Variants in XRN1 observed in about 807,000 individuals in gnomAD.
The protein encoded by XRN1 is strand-exchange protein 1 homolog.
XRN1 carries 67 observed loss-of-function variants against 222.3 expected under a neutral mutation model. The ratio of observed to expected loss-of-function variants is 0.30; its 90% confidence interval spans 0.25 to 0.37. The LOEUF (loss-of-function observed/expected upper bound fraction) is 0.37. XRN1 is among the 10% of genes least tolerant of loss of function. XRN1 has a pLI of 1.00. For missense variants in XRN1, 1,707 were observed against 2,000.2 expected (o/e 0.85, Z 2.80); for synonymous variants, 643 against 652.4 (o/e 0.99, Z 0.22).
chr3:142,394,191 C>T (rs568401926), intron 20 of XRN1, among the ~76,000 whole-genome samples: 14 of 152,170 alleles, frequency 9.2e-5, no homozygotes, highest in Non-Finnish European at 1.3e-4. Flanking sequence ...ACTTAGATTT[C>T]ACCATCCACC....
chr3:142,327,667 ATTAT>A (rs1448331236), intron 37 of XRN1, among the ~76,000 whole-genome samples: 4 of 151,496 alleles, frequency 2.6e-5, no homozygotes, highest in Admixed American at 1.3e-4. Flanking sequence ...TTTTCTAGTT[ATTAT>A]TTATTTTAAA....
At chr3:142,372,071 T>C (rs374995824) in intron 25 of XRN1, among the ~76,000 whole-genome samples, 4 of 152,064 alleles carry the variant, frequency 2.6e-5, no homozygotes, top group South Asian at 2.1e-4. Context: ...TTTGAAAGTG[T>C]GGGGTGAGGT....
intron 14 of XRN1, 98 bp downstream of exon 14, chr3:142,414,037 T>C: frequency 8.1e-7 from 1 of 1,231,890 alleles, no homozygotes; most frequent in South Asian, 2.1e-5. Flanking sequence ...AATAACTACT[T>C]AGCTACCAAA....
rs199997551 is a variant in XRN1, at chr3:142,418,489, T to C, written c.1346+15A>G. On this transcript the variant is annotated intron_variant, in intron 12 of 40. Transcript: ENST00000392981. The stretch of plus-strand genomic sequence containing the variant: ...TTTTTTCTATTTTAAAATAAAAGCA[T>C]TGGCAAAAACGTACTCAGATACTAC... 5.1e-5 allele frequency: 80 copies of C among 1,563,110 alleles called. No homozygotes were observed. Among genetic ancestry groups the C allele is most frequent in the South Asian group, 3.3e-4 (28 of 84,612 alleles).
intron 37 of XRN1, among the ~76,000 whole-genome samples, chr3:142,325,142 T>G (rs142805111): frequency 1.6e-4 from 24 of 152,336 alleles, no homozygotes; most frequent in African/African-American, 4.8e-4. Flanking sequence ...ATTTCCATGC[T>G]GTATGTCCTT....
chr3:142,346,487 T>A (rs2066146928), intron 33 of XRN1, among the ~76,000 whole-genome samples: 1 of 148,164 alleles, frequency 6.7e-6, no homozygotes, highest in Non-Finnish European at 1.5e-5. Context: ...ATCATCCTCT[T>A]TTTTTTTTTT....
chr3:142,447,815 G>A lies in XRN1; in HGVS notation c.75+55C>T. 6.3e-7 allele frequency: 1 copy of A among 1,597,224 alleles called. No homozygotes were observed. Among genetic ancestry groups the A allele is most frequent in the Non-Finnish European group, 8.6e-7 (1 of 1,167,912 alleles). Reference sequence around the variant, plus strand: ...AAAGCCCCAGCTCTAAGGTGGAGAGGGCCGCGGAGCCCCGGGTCCTCGGCT... The same window carrying A: ...AAAGCCCCAGCTCTAAGGTGGAGAGAGCCGCGGAGCCCCGGGTCCTCGGCT... On this transcript the variant is annotated intron_variant, in intron 1 of 40. Coordinates refer to ENST00000392981, the MANE Select transcript of XRN1 (RefSeq NM_001282857.2). This position sits in a 1 kb window ranked among gnomAD's most constrained non-coding sequence, Gnocchi z 4.2.
intron 37 of XRN1, among the ~76,000 whole-genome samples, chr3:142,320,373 C>T (rs962514988): frequency 6.6e-6 from 1 of 152,140 alleles, no homozygotes; most frequent in Non-Finnish European, 1.5e-5. Context: ...CTTGAGATGT[C>T]TTCTTTTGAG....
intron 20 of XRN1, 103 bp downstream of exon 20, chr3:142,397,225 AG>A (rs2067964281): frequency 1.9e-6 from 2 of 1,076,132 alleles, no homozygotes; most frequent in Middle Eastern, 3.0e-4. Flanking sequence ...AGGTGTAATT[AG>A]TATTCAGAGT....
chr3:142,431,919 T>C (rs2069593876), intron 2 of XRN1, among the ~76,000 whole-genome samples: 1 of 94,592 alleles, frequency 1.1e-5, no homozygotes, highest in South Asian at 2.6e-4. Flanking sequence ...TATAAATATA[T>C]ATAATATAAT....
chr3:142,326,541 G>GT lies in XRN1; in HGVS notation c.4404+2892dup, dbSNP rs1212744106. Among the ~76,000 whole-genome samples the GT allele has an allele frequency of 4.0e-5, 6 of 151,796 alleles. No individual in the cohort carries two copies. In the South Asian group the frequency reaches 8.3e-4, roughly 21 times the overall value. On this transcript the variant is annotated intron_variant, in intron 37 of 40. Coordinates refer to ENST00000392981, the MANE Select transcript of XRN1 (RefSeq NM_001282857.2). ...TTCACTGAATTTATCAATTCTAATA[G>GT]TTTTTTTCTAAATATAAGATTATAT... is the stretch of plus-strand genomic sequence containing the variant.
chr3:142,332,393 T>G lies in XRN1; in HGVS notation c.4204A>C (p.Lys1402Gln). 6.2e-7 allele frequency: 1 copy of G among 1,602,154 alleles called. No homozygotes were observed. Among genetic ancestry groups the G allele is most frequent in the South Asian group, 1.1e-5 (1 of 89,366 alleles). The change falls in exon 36 of 41, where the codon AAA becomes CAA. Residue 1402 changes from lysine to glutamine, a missense_variant. Lys to Gln is a moderately conservative substitution (Grantham distance 53). Around this residue, in one of 2 missense-constraint regions of XRN1, gnomAD observed 473 missense variants for 482.0 expected, o/e 0.98. Coordinates refer to ENST00000392981, the MANE Select transcript of XRN1 (RefSeq NM_001282857.2). ...RDEYGLPSQPKQNKKLASYMN... is the reference protein window; with the variant it reads ...RDEYGLPSQPQQNKKLASYMN... ...TACTTACCTAATTTCTTATTTTGTT[T>G]AGGCTGAGAGGGTAATCCATATTCA...
At chr3:142,377,082 G>A (rs961878806) in intron 23 of XRN1, among the ~76,000 whole-genome samples, 9 of 151,728 alleles carry the variant, frequency 5.9e-5, no homozygotes, top group African/African-American at 2.2e-4. Flanking sequence ...CTTCATATAT[G>A]GATATAAGTA....
In XRN1 at chr3:142,405,089, A is replaced by G. The variant is rs768275641; in HGVS notation, c.1714-13T>C. On this transcript the variant is annotated splice_polypyrimidine_tract_variant and intron_variant, in intron 15 of 40. Transcript: ENST00000392981. ...CCAATAATCGCTTCTGAATATAAGG[A>G]TTGAAGAGAAGGGTTACAAGCATAA... 1 of 1,612,416 alleles carries G rather than the reference A, an allele frequency of 6.2e-7. No homozygotes were observed. The highest frequency in any genetic ancestry group is 2.2e-5 in the East Asian group (1 of 44,864).
intron 8 of XRN1, 21 bp from the exon 9 acceptor site, chr3:142,421,564 A>T: frequency 6.5e-7 from 1 of 1,541,570 alleles, no homozygotes; most frequent in South Asian, 1.2e-5. Flanking sequence ...CAAAAATTTA[A>T]ATCTGTACTA....
intron 18 of XRN1, among the ~76,000 whole-genome samples, chr3:142,402,194 T>C (rs1484942323): frequency 6.6e-6 from 1 of 152,044 alleles, no homozygotes; most frequent in East Asian, 1.9e-4. Context: ...TTTTTTTTCC[T>C]TTTTTGAGAT....
At chr3:142,333,742 A>C (rs2065769164) in intron 34 of XRN1, among the ~76,000 whole-genome samples, 1 of 152,158 alleles carries the variant, frequency 6.6e-6, no homozygotes, top group Non-Finnish European at 1.5e-5. Context: ...CCTTATATGA[A>C]TAGAAAGAGA....
At chr3:142,376,061 A>C in intron 24 of XRN1, 117 bp from the exon 25 acceptor site, 5 of 1,378,644 alleles carry the variant, frequency 3.6e-6, no homozygotes, top group Non-Finnish European at 4.7e-6. Context: ...AGAAAAGCTC[A>C]GTTTTGATTA....
At chr3:142,385,892 C>T (rs1227913547) in intron 20 of XRN1, among the ~76,000 whole-genome samples, 2 of 151,818 alleles carry the variant, frequency 1.3e-5, no homozygotes, top group African/African-American at 4.8e-5. Flanking sequence ...CTACCGAGCT[C>T]ACTTTACCAA....
Sources: allele counts gnomAD v4.1 joint callset (sites outside exome capture counted in the v4.1 genomes callset), GRCh38; gene constraint gnomAD v4.1.1; regional missense constraint gnomAD v4.1.1; non-coding constraint Gnocchi (gnomAD v3.1); transcripts MANE v1.5; gene names NCBI Gene and HGNC (gene_info 2026-07-23, HGNC 2026-07-21).